The following RIMS2 variants were observed in gnomAD, a reference collection of about 807,000 sequenced individuals.
RIMS2 encodes the protein regulating synaptic membrane exocytosis 2.
Under a neutral mutation model 174.4 loss-of-function variants are expected in RIMS2, and 59 were observed. The observed-to-expected ratio is 0.34, with a 90% CI of 0.27 to 0.42. The LOEUF is 0.42. RIMS2 is among the 10% of genes least tolerant of loss of function. RIMS2 has a pLI of 1.00. For synonymous variants in RIMS2, 606 were observed against 572.5 expected (o/e 1.06, Z -0.84); for missense variants, 1,620 against 1,666.3 (o/e 0.97, Z 0.48).
chr8:103,547,943 C>T (rs1845878587), intron 1 of RIMS2, among the ~76,000 whole-genome samples: 1 of 152,058 alleles, frequency 6.6e-6, no homozygotes, highest in Non-Finnish European at 1.5e-5. Flanking sequence ...AACATACCAC[C>T]TGCCAAGATT....
chr8:104,214,714 A>G (rs1377570619), intron 19 of RIMS2, among the ~76,000 whole-genome samples: 1 of 152,132 alleles, frequency 6.6e-6, no homozygotes, highest in Non-Finnish European at 1.5e-5. Flanking sequence ...TCCCAAAGTT[A>G]CAGGTGTGAG....
intron 2 of RIMS2, among the ~76,000 whole-genome samples, chr8:103,705,367 T>C (rs548842590): frequency 1.1e-3 from 175 of 152,246 alleles, no homozygotes; most frequent in Non-Finnish European, 2.1e-3. Context: ...GCCTAAGATA[T>C]GATCTGTTTT....
chr8:103,948,961 A>C (rs189777809), intron 14 of RIMS2, among the ~76,000 whole-genome samples: 3 of 130,434 alleles, frequency 2.3e-5, no homozygotes, highest in African/African-American at 6.2e-5. Context: ...CCCCATTTTT[A>C]CAAAAAAAAA....
chr8:104,155,409 CTTT>C (rs10578958), intron 19 of RIMS2, among the ~76,000 whole-genome samples: 33 of 81,002 alleles, frequency 4.1e-4, no homozygotes, highest in Admixed American at 4.8e-4. Flanking sequence ...CCCGGCCTTG[CTTT>C]TTTTTTTTTT....
At chr8:103,957,059 C>T (rs2087558124) in intron 14 of RIMS2, among the ~76,000 whole-genome samples, 1 of 152,214 alleles carries the variant, frequency 6.6e-6, no homozygotes, top group South Asian at 2.1e-4. Flanking sequence ...GGTACCATCT[C>T]ATGCCAGTTA....
At chr8:104,080,694 T>G (rs2097400199) in intron 19 of RIMS2, among the ~76,000 whole-genome samples, 2 of 152,056 alleles carry the variant, frequency 1.3e-5, no homozygotes, top group African/African-American at 4.8e-5. Context: ...TACAAATATA[T>G]CTACAATTTT....
At chr8:103,711,048 A>G (rs1476268194) in intron 2 of RIMS2, among the ~76,000 whole-genome samples, 1 of 152,234 alleles carries the variant, frequency 6.6e-6, no homozygotes, top group Non-Finnish European at 1.5e-5. Flanking sequence ...AATAACTTCA[A>G]GGGCAAAGAT....
intron 3 of RIMS2, chr8:103,768,501 G>A (rs756618452): frequency 9.0e-6 from 9 of 998,138 alleles, no homozygotes; most frequent in South Asian, 2.5e-5. Context: ...GGCCGTGTCC[G>A]CCTGCTAATG....
intron 19 of RIMS2, among the ~76,000 whole-genome samples, chr8:104,033,801 G>A (rs2096453166): frequency 6.6e-6 from 1 of 152,040 alleles, no homozygotes; most frequent in Admixed American, 6.6e-5. Flanking sequence ...GATATTTAAA[G>A]AATATTTTTA....
chr8:103,563,902 A>AC (rs1238396686), intron 1 of RIMS2, among the ~76,000 whole-genome samples: 4 of 152,144 alleles, frequency 2.6e-5, no homozygotes, highest in Non-Finnish European at 5.9e-5. Context: ...CTCTTATAAA[A>AC]CCAGCAAATC....
intron 14 of RIMS2, among the ~76,000 whole-genome samples, chr8:103,951,718 T>G (rs1025674295): frequency 6.6e-6 from 1 of 152,192 alleles, no homozygotes; most frequent in Non-Finnish European, 1.5e-5. Context: ...TTGCTTTTCA[T>G]ACTCCAGTGG....
chr8:103,669,507 A>C (rs2096718213), intron 1 of RIMS2, among the ~76,000 whole-genome samples: 1 of 152,234 alleles, frequency 6.6e-6, no homozygotes, highest in Non-Finnish European at 1.5e-5. Flanking sequence ...AGACAAGGCA[A>C]GTCCCTTCCA....
At chr8:104,219,224 G>A (rs1043077961) in intron 19 of RIMS2, among the ~76,000 whole-genome samples, 2 of 152,132 alleles carry the variant, frequency 1.3e-5, no homozygotes, top group Non-Finnish European at 2.9e-5. Flanking sequence ...TTTTACAGAT[G>A]CATTGTCGAC....
chr8:103,940,498 GT>G (rs113667001), intron 13 of RIMS2, among the ~76,000 whole-genome samples: 30 of 149,686 alleles, frequency 2.0e-4, no homozygotes, highest in South Asian at 2.1e-4. Context: ...AACTATATCA[GT>G]TTTTTTTTTC....
At chr8:104,072,965 A>C (rs2097219689) in intron 19 of RIMS2, among the ~76,000 whole-genome samples, 1 of 152,206 alleles carries the variant, frequency 6.6e-6, no homozygotes, top group Non-Finnish European at 1.5e-5. Context: ...AGAATTTATT[A>C]TACTCAATGT....
At chr8:103,550,094 C>A (rs531216717) in intron 1 of RIMS2, among the ~76,000 whole-genome samples, 419 of 152,244 alleles carry the variant, frequency 2.8e-3, no homozygotes, top group African/African-American at 9.3e-3. Context: ...CTCAGCTCTG[C>A]ACCAAGCAGA....
intron 1 of RIMS2, among the ~76,000 whole-genome samples, chr8:103,623,306 A>C (rs908124259): frequency 5.3e-5 from 8 of 152,176 alleles, no homozygotes; most frequent in Non-Finnish European, 1.0e-4. Context: ...AGATTAAGTA[A>C]AACAATAAAT....
intron 19 of RIMS2, among the ~76,000 whole-genome samples, chr8:104,145,243 G>A (rs1444541915): frequency 6.6e-6 from 1 of 151,856 alleles, no homozygotes; most frequent in Non-Finnish European, 1.5e-5. Context: ...AGGTTAAAGG[G>A]TAGGCTTGTT....
rs2093818667 is a variant in RIMS2 at position 103,584,862 on chromosome 8, G to A, written c.176+83800G>A. ...ACAACCAGACAACAAATTTAAAAATGGCAGGAGTAAGCCCTTACTTATCAG... is the reference window on the plus strand; with the variant it reads ...ACAACCAGACAACAAATTTAAAAATAGCAGGAGTAAGCCCTTACTTATCAG... On this transcript the variant is annotated intron_variant, in intron 1 of 23. Coordinates refer to ENST00000504942, the Ensembl canonical transcript of RIMS2. 2.0e-5 allele frequency among the ~76,000 whole-genome samples: 3 copies of A among 152,154 alleles called. No individual in the cohort carries two copies. In the South Asian group the frequency reaches 6.2e-4, roughly 31 times the overall value.
Sources: allele counts gnomAD v4.1 joint callset (sites outside exome capture counted in the v4.1 genomes callset), GRCh38; gene constraint gnomAD v4.1.1; transcripts MANE v1.5; gene names NCBI Gene and HGNC (gene_info 2026-07-23, HGNC 2026-07-21).